DACH1: variants seen among roughly 807,000 people sequenced by gnomAD.
DACH1 encodes the protein dachshund family transcription factor 1.
A neutral mutation model predicts 54.2 loss-of-function variants in DACH1; 12 were observed. That is an observed-to-expected ratio of 0.22 (90% CI 0.14 to 0.36). The LOEUF is 0.36. Ranked by LOEUF, DACH1 falls within the 10% of genes least tolerant of loss-of-function variation. The pLI, the probability that DACH1 is intolerant of heterozygous loss-of-function variation, is 1.00. For missense variants in DACH1, 805 were observed against 929.8 expected (o/e 0.87, Z 1.75); for synonymous variants, 386 against 366.2 (o/e 1.05, Z -0.62).
Position 71,676,222 on chromosome 13 carries a change from A to AT in DACH1, c.964+5572dup, listed in dbSNP as rs551627735. On this transcript the variant is annotated intron_variant, in intron 2 of 10. Transcript: ENST00000613252. ...TAAACTTCTCAACATACAAGGCACA[A>AT]TTTTTTTTTTGTTGAGATGGAGTGT... Among the ~76,000 whole-genome samples the AT allele has an allele frequency of 4.8e-3, 713 of 149,458 alleles. 3 individuals are homozygous for AT. Among genetic ancestry groups the AT allele is most frequent in the East Asian group, 0.024 (125 of 5,120 alleles).
intron 4 of DACH1, among the ~76,000 whole-genome samples, chr13:71,571,945 C>T (rs1027115207): frequency 1.3e-5 from 2 of 151,882 alleles, no homozygotes; most frequent in African/African-American, 4.8e-5. Context: ...CCATGTTAGC[C>T]AGGATGGTCT....
intron 1 of DACH1, among the ~76,000 whole-genome samples, chr13:71,757,973 A>G (rs1208567307): frequency 1.3e-5 from 2 of 152,216 alleles, no homozygotes; most frequent in Non-Finnish European, 2.9e-5. Flanking sequence ...TACAAAATAT[A>G]CATAAACATA....
rs144258999 is a variant in DACH1 at position 71,590,497 on chromosome 13, C to T, written c.1127-17485G>A. Among the ~76,000 whole-genome samples, 76 of 152,190 alleles carry T rather than the reference C, an allele frequency of 5.0e-4. 1 individual carries two copies. In the East Asian group the frequency reaches 0.014, roughly 28 times the overall value. On this transcript the variant is annotated intron_variant, in intron 3 of 10. Transcript: ENST00000613252. ...CTGGCCTCACTGGTTGTACTATAGGCTTGAATCTCAGATCTGCCATTTGTT... is the reference window on the plus strand; with the variant it reads ...CTGGCCTCACTGGTTGTACTATAGGTTTGAATCTCAGATCTGCCATTTGTT...
At position 71,463,255 on chromosome 13, in the gene DACH1, A is replaced by G. The variant is rs550284543; in HGVS notation, c.2083+11886T>C. On this transcript the variant is annotated intron_variant, in intron 10 of 10. Transcript: ENST00000613252. The stretch of plus-strand genomic sequence containing the variant: ...GATTTATTAATTATCCCTGTAAACT[A>G]GTGAATTTATTTTAGAGAAAACTAA... Among the ~76,000 whole-genome samples the G allele has an allele frequency of 3.9e-5, 6 of 152,128 alleles. No homozygotes were observed. In the East Asian group the frequency reaches 9.6e-4, roughly 24 times the overall value.
intron 10 of DACH1, among the ~76,000 whole-genome samples, chr13:71,472,698 T>C (rs1334248336): frequency 6.6e-6 from 1 of 151,208 alleles, no homozygotes. Context: ...TGTGAGAGGC[T>C]GTGTGTGTGT....
At chr13:71,865,840 C>A in intron 1 of DACH1, 82 bp downstream of exon 1, 3 of 1,353,660 alleles carry the variant, frequency 2.2e-6, no homozygotes, top group East Asian at 6.0e-5. Context: ...GCAGAGCGAG[C>A]GGCGCCGGGA....
rs1175498971 is a variant in DACH1, at chr13:71,866,320, G to A, written c.450C>T (p.Ser150=). ...TGCTGCTGCTGCTACTACTGCTGCT[G>A]CTGCTGCTGCTGCTACTGCTGCTGC... ...SSSSSSSSSS[S]SSSSSSSSSS... Residue 150 remains serine, a synonymous_variant, in exon 1 of 11, where the codon AGC becomes AGT. Coordinates refer to ENST00000613252, the MANE Select transcript of DACH1 (RefSeq NM_080759.6). 2.6e-6 allele frequency: 4 copies of A among 1,544,566 alleles called. No homozygotes were observed. Among genetic ancestry groups the A allele is most frequent in the Middle Eastern group, 2.1e-4 (1 of 4,848 alleles).
At chr13:71,730,052 T>G (rs1883665882) in intron 1 of DACH1, among the ~76,000 whole-genome samples, 1 of 152,024 alleles carries the variant, frequency 6.6e-6, no homozygotes, top group African/African-American at 2.4e-5. Context: ...ACAATGAAAG[T>G]TGATCAGTTT....
rs777072237 is a variant in DACH1 at position 71,726,137 on chromosome 13, T to A, written c.849-44227A>T. On this transcript the variant is annotated intron_variant, in intron 1 of 10. Coordinates refer to ENST00000613252, the MANE Select transcript of DACH1 (RefSeq NM_080759.6). ...GACCAAGACTCTGCCTGGCATGTTT[T>A]AAACCTCTATTCTTCTCAATGAATT... Among the ~76,000 whole-genome samples, 155 of 152,250 alleles carry A rather than the reference T, an allele frequency of 1.0e-3. No individual in the cohort carries two copies. In the Middle Eastern group the frequency reaches 0.01, roughly 10 times the overall value.
At chr13:71,813,699 T>C (rs1203168623) in intron 1 of DACH1, among the ~76,000 whole-genome samples, 2 of 152,122 alleles carry the variant, frequency 1.3e-5, no homozygotes, top group Non-Finnish European at 1.5e-5. Context: ...TAGGCGAATA[T>C]ATACAAGACT....
At chr13:71,850,404 G>T (rs1395399834) in intron 1 of DACH1, among the ~76,000 whole-genome samples, 2 of 152,098 alleles carry the variant, frequency 1.3e-5, no homozygotes, top group African/African-American at 4.8e-5. Flanking sequence ...TCCAAACCAT[G>T]CATTTCCCTT....
chr13:71,542,931 T>C (rs1442372728), intron 6 of DACH1, among the ~76,000 whole-genome samples: 1 of 152,160 alleles, frequency 6.6e-6, no homozygotes, highest in Non-Finnish European at 1.5e-5. Context: ...TATCAGAAAT[T>C]ATTCCAAGTC....
chr13:71,631,208 T>C (rs1239517230), intron 2 of DACH1, among the ~76,000 whole-genome samples: 1 of 152,186 alleles, frequency 6.6e-6, no homozygotes, highest in Non-Finnish European at 1.5e-5. Context: ...TTCAAGCATG[T>C]GCTTTCACAC....
At chr13:71,584,002 A>G (rs543479129) in intron 3 of DACH1, among the ~76,000 whole-genome samples, 47 of 152,272 alleles carry the variant, frequency 3.1e-4, no homozygotes, top group Middle Eastern at 6.8e-3. Context: ...ATGTTAAAAT[A>G]TTGCACACTT....
chr13:71,725,040 T>G (rs1032664957), intron 1 of DACH1, among the ~76,000 whole-genome samples: 3 of 152,052 alleles, frequency 2.0e-5, no homozygotes, highest in African/African-American at 7.2e-5. Flanking sequence ...ACTTTACATG[T>G]GGATTATAGC....
At chr13:71,445,033 C>T (rs538223490) in intron 10 of DACH1, among the ~76,000 whole-genome samples, 54 of 152,202 alleles carry the variant, frequency 3.5e-4, no homozygotes, top group Non-Finnish European at 5.0e-4. Flanking sequence ...TACTCTATAG[C>T]GCTTATCTCA....
intron 1 of DACH1, among the ~76,000 whole-genome samples, chr13:71,794,507 C>T (rs1416761496): frequency 3.9e-5 from 6 of 152,282 alleles, no homozygotes; most frequent in South Asian, 2.1e-4. Flanking sequence ...GGCGCAATCT[C>T]GGCTCACTGC....
chr13:71,766,491 C>G (rs1232709569), intron 1 of DACH1, among the ~76,000 whole-genome samples: 3 of 152,112 alleles, frequency 2.0e-5, no homozygotes, highest in African/African-American at 7.2e-5. Flanking sequence ...ATAATGTAAC[C>G]TCCATTAGCC....
intron 10 of DACH1, among the ~76,000 whole-genome samples, chr13:71,454,978 T>A (rs1875425464): frequency 6.6e-6 from 1 of 152,224 alleles, no homozygotes; most frequent in Non-Finnish European, 1.5e-5. Context: ...TTTTAGTGTG[T>A]TAGTACCTCT....
Sources: allele counts gnomAD v4.1 joint callset (sites outside exome capture counted in the v4.1 genomes callset), GRCh38; gene constraint gnomAD v4.1.1; transcripts MANE v1.5; gene names NCBI Gene and HGNC (gene_info 2026-07-23, HGNC 2026-07-21).